Variants in ANKRD6 observed in about 807,000 individuals in gnomAD.
ANKRD6 encodes ankyrin repeat domain 6.
Under a neutral mutation model 82.3 loss-of-function variants are expected in ANKRD6, and 56 were observed. The observed-to-expected ratio is 0.68, with a 90% CI of 0.55 to 0.85. ANKRD6 has a LOEUF of 0.85. Ranked by LOEUF, ANKRD6 falls within the 40% of genes least tolerant of loss-of-function variation. The pLI is 0.00. For missense variants in ANKRD6, 852 were observed against 907.6 expected, an observed-to-expected ratio of 0.94 and a Z score of 0.79; for synonymous variants, 347 against 352.1, an observed-to-expected ratio of 0.99 and a Z score of 0.16.
intron 2 of ANKRD6, among the ~76,000 whole-genome samples, chr6:89,591,904 C>T (rs1794990885): frequency 6.6e-6 from 1 of 152,234 alleles, no homozygotes; most frequent in Admixed American, 6.5e-5. Context: ...CTCAGAAAAG[C>T]TCCTGTACCA....
In ANKRD6 at chr6:89,566,844, TG is replaced by T. The variant is rs1788642136; in HGVS notation, c.-131del. The T allele has an allele frequency of 7.8e-7, 1 of 1,276,866 alleles. No individual in the cohort carries two copies. Among genetic ancestry groups the T allele is most frequent in the African/African-American group, 1.5e-5 (1 of 66,716 alleles). 79.1% of individuals were successfully genotyped at this position (1,276,866 alleles called of 1,614,324 possible). A position where few individuals can be genotyped will look rare whatever the true frequency, so the allele number is the denominator to read the frequency against. On this transcript the variant is annotated 5_prime_UTR_variant, in exon 2 of 16. An upstream open reading frame in the 5' UTR loses its in-frame stop. Coordinates refer to ENST00000339746, the MANE Select transcript of ANKRD6 (RefSeq NM_001242809.2). ...TTTTGTAACCCCTAGGTCCCGAAGATGGCATATTCATAAAGACATCTTCTGA... is the reference window on the plus strand; with the variant it reads ...TTTTGTAACCCCTAGGTCCCGAAGATGCATATTCATAAAGACATCTTCTGA...
chr6:89,507,578 G>A (rs1047713732), intron 1 of ANKRD6, among the ~76,000 whole-genome samples: 4 of 152,176 alleles, frequency 2.6e-5, no homozygotes, highest in Non-Finnish European at 5.9e-5. Context: ...AACAGAGCAC[G>A]GGGTAGGACA....
chr6:89,564,700 G>A (rs919336704), intron 1 of ANKRD6, among the ~76,000 whole-genome samples: 4 of 152,186 alleles, frequency 2.6e-5, no homozygotes, highest in African/African-American at 9.7e-5. Flanking sequence ...ACCCTCAGGG[G>A]CTAAGCCATG....
intron 1 of ANKRD6, among the ~76,000 whole-genome samples, chr6:89,559,203 C>T (rs145758372): frequency 3.0e-4 from 45 of 152,276 alleles, no homozygotes; most frequent in Middle Eastern, 6.8e-3. Flanking sequence ...TGGTCTTTGC[C>T]GTGTTACAAG....
chr6:89,620,544 T>G (rs1480655515), intron 9 of ANKRD6, among the ~76,000 whole-genome samples: 2 of 152,188 alleles, frequency 1.3e-5, no homozygotes, highest in African/African-American at 4.8e-5. Flanking sequence ...GTTCTCAGAC[T>G]TCTTGGTCTA....
chr6:89,530,043 C>T (rs560606156), intron 1 of ANKRD6, among the ~76,000 whole-genome samples: 57 of 152,162 alleles, frequency 3.7e-4, no homozygotes, highest in African/African-American at 1.3e-3. Context: ...CACTTGAGCC[C>T]AGGAGGTCGA....
rs1377369214 is a variant in ANKRD6 at position 89,633,539 on chromosome 6, A to C, written c.*2535A>C. On this transcript the variant is annotated 3_prime_UTR_variant, in exon 16 of 16. Coordinates refer to ENST00000339746, the MANE Select transcript of ANKRD6 (RefSeq NM_001242809.2). ...TTCAACAGCTGTGGGAAAAACTAAA[A>C]CACAGAAATACTGTACAGTATTAGT... The C allele has an allele frequency of 2.6e-5, 4 of 152,228 alleles. No individual in the cohort carries two copies. Among genetic ancestry groups the C allele is most frequent in the South Asian group, 2.1e-4 (1 of 4,830 alleles). The allele number at this position is 152,228 out of a possible 1,614,324, so 9.4% of individuals were successfully genotyped here.
chr6:89,594,711 GT>G (rs1795534035), intron 2 of ANKRD6, among the ~76,000 whole-genome samples: 1 of 152,046 alleles, frequency 6.6e-6, no homozygotes. Context: ...TTTTTTAGTG[GT>G]TGAAATACTT....
At chr6:89,615,041 C>T (rs906218801) in intron 7 of ANKRD6, among the ~76,000 whole-genome samples, 32 of 152,084 alleles carry the variant, frequency 2.1e-4, no homozygotes, top group Non-Finnish European at 4.1e-4. Context: ...TACCGTCTTC[C>T]TTAGAAATGT....
At chr6:89,456,586 T>G (rs1364634592) in intron 1 of ANKRD6, among the ~76,000 whole-genome samples, 1 of 152,216 alleles carries the variant, frequency 6.6e-6, no homozygotes, top group Non-Finnish European at 1.5e-5. Context: ...CTTTCAGGGC[T>G]CTGTCTCCAA....
chr6:89,493,299 T>C (rs530381470), intron 1 of ANKRD6, among the ~76,000 whole-genome samples: 1 of 152,304 alleles, frequency 6.6e-6, no homozygotes, highest in South Asian at 2.1e-4. Context: ...GGATTGTATG[T>C]ATTTCTTGGC....
At position 89,632,678 on chromosome 6, in the gene ANKRD6, TCAA is replaced by T. The variant is rs1807642474; in HGVS notation, c.*1676_*1678del. 1 of 152,246 alleles carries T rather than the reference TCAA, an allele frequency of 6.6e-6. No homozygotes were observed. Among genetic ancestry groups the T allele is most frequent in the South Asian group, 2.1e-4 (1 of 4,836 alleles). 9.4% of individuals were successfully genotyped at this position (152,246 alleles called of 1,614,324 possible). A position where few individuals can be genotyped will look rare whatever the true frequency, so the allele number is the denominator to read the frequency against. The stretch of plus-strand genomic sequence containing the variant: ...ATGTGTTTGGGAGCTTGTCTTGTTC[TCAA>T]CTACTACGCAGGTAGACAGTCTTCC... On this transcript the variant is annotated 3_prime_UTR_variant, in exon 16 of 16. Coordinates refer to ENST00000339746, the MANE Select transcript of ANKRD6 (RefSeq NM_001242809.2).
chr6:89,441,620 CTTTTTTTTT>C (rs71556522), intron 1 of ANKRD6, among the ~76,000 whole-genome samples: 9 of 80,458 alleles, frequency 1.1e-4, no homozygotes, highest in African/African-American at 2.6e-4. Context: ...CTTTTCTTTC[CTTTTTTTTT>C]TTTTTTTTTT....
rs1421963399 is a variant in ANKRD6, at chr6:89,633,635, ACTTTTGATTTTGGGAG to A, written c.*2633_*2648del. On this transcript the variant is annotated 3_prime_UTR_variant, in exon 16 of 16. Transcript: ENST00000339746. ...TCTGTGATTAAATAAATTAGTTCTA[ACTTTTGATTTTGGGAG>A]CCCAAAATAAAGGGAGTGTTGTTTT... 1 of 152,158 alleles carries A rather than the reference ACTTTTGATTTTGGGAG, an allele frequency of 6.6e-6. No individual in the cohort carries two copies. The highest frequency in any genetic ancestry group is 2.4e-5 in the African/African-American group (1 of 41,418). 9.4% of individuals were successfully genotyped at this position (152,158 alleles called of 1,614,324 possible). A position where few individuals can be genotyped will look rare whatever the true frequency, so the allele number is the denominator to read the frequency against.
At chr6:89,488,547 A>G (rs138005001) in intron 1 of ANKRD6, among the ~76,000 whole-genome samples, 5 of 152,356 alleles carry the variant, frequency 3.3e-5, no homozygotes, top group Non-Finnish European at 7.3e-5. Flanking sequence ...TTAAGAACAT[A>G]GAATGTAAAA....
intron 1 of ANKRD6, among the ~76,000 whole-genome samples, chr6:89,448,053 G>A (rs762953646): frequency 1.3e-5 from 2 of 152,068 alleles, no homozygotes; most frequent in African/African-American, 2.4e-5. Context: ...AGAATAGGCC[G>A]ACTCTGGTTA....
chr6:89,562,777 A>T (rs1787652186), intron 1 of ANKRD6: 1 of 152,242 alleles, frequency 6.6e-6, no homozygotes, highest in African/African-American at 2.4e-5. Flanking sequence ...TTGTAACGTA[A>T]ATCACTGCAG....
chr6:89,465,553 A>G (rs1349586980), intron 1 of ANKRD6, among the ~76,000 whole-genome samples: 1 of 152,060 alleles, frequency 6.6e-6, no homozygotes, highest in African/African-American at 2.4e-5. Context: ...CTGGTGCCCC[A>G]GTTTCCTCTG....
At chr6:89,534,314 T>A (rs1371142209) in intron 1 of ANKRD6, among the ~76,000 whole-genome samples, 1 of 152,160 alleles carries the variant, frequency 6.6e-6, no homozygotes, top group African/African-American at 2.4e-5. Context: ...TATGATCCTA[T>A]TAGGTGTAAA....
Sources: gnomAD v4.1 joint callset for allele counts (sites outside exome capture counted in the v4.1 genomes callset) on GRCh38, gnomAD v4.1.1 for gene constraint, MANE v1.5 for transcripts, NCBI Gene and HGNC (gene_info 2026-07-23, HGNC 2026-07-21) for gene names.